B3GLCT: variants seen among roughly 807,000 people sequenced by gnomAD.
The protein encoded by B3GLCT is beta-1,3-glucosyltransferase.
A neutral mutation model predicts 63.4 loss-of-function variants in B3GLCT; 65 were observed. The observed-to-expected ratio is 1.03, with a 90% CI of 0.84 to 1.26. The LOEUF (loss-of-function observed/expected upper bound fraction) is 1.26, where lower values mean the gene tolerates loss of function less well. Ranked by LOEUF, B3GLCT falls within the 50% of genes most tolerant of loss-of-function variation. The pLI, the probability that B3GLCT is intolerant of heterozygous loss-of-function variation, is 0.00. For missense variants in B3GLCT, 577 were observed against 604.8 expected (o/e 0.95, Z 0.48); for synonymous variants, 233 against 219.2 (o/e 1.06, Z -0.55).
At chr13:31,316,453 A>C (rs1593317547) in intron 12 of B3GLCT, among the ~76,000 whole-genome samples, 1 of 104,228 alleles carries the variant, frequency 9.6e-6, no homozygotes, top group African/African-American at 3.4e-5. Context: ...TTTGAGACGG[A>C]GTTTCGCTCT....
At chr13:31,282,243 T>C (rs1032357646) in intron 10 of B3GLCT, among the ~76,000 whole-genome samples, 5 of 152,196 alleles carry the variant, frequency 3.3e-5, no homozygotes, top group African/African-American at 1.2e-4. Context: ...GCTAATAAAA[T>C]AGACCATTAT....
At chr13:31,300,753 G>A (rs542633312) in intron 12 of B3GLCT, among the ~76,000 whole-genome samples, 89 of 152,288 alleles carry the variant, frequency 5.8e-4, no homozygotes, top group African/African-American at 2.1e-3. Context: ...CAATAGTAAC[G>A]TTATCTATAG....
At chr13:31,213,847 T>C (rs1401377358) in intron 1 of B3GLCT, among the ~76,000 whole-genome samples, 7 of 152,144 alleles carry the variant, frequency 4.6e-5, no homozygotes, top group Non-Finnish European at 1.0e-4. Flanking sequence ...TCTACTGTTA[T>C]CTAAATTGTT....
intron 12 of B3GLCT, among the ~76,000 whole-genome samples, chr13:31,300,054 G>T (rs983031714): frequency 6.6e-6 from 1 of 152,124 alleles, no homozygotes; most frequent in Non-Finnish European, 1.5e-5. Context: ...GGTCAAAATA[G>T]CAGACTTCCA....
At position 31,241,741 on chromosome 13, in the gene B3GLCT, T is replaced by C. The variant is rs530371523; in HGVS notation, c.271-5282T>C. Among the ~76,000 whole-genome samples the C allele has an allele frequency of 5.3e-5, 8 of 152,350 alleles. No homozygotes were observed. The South Asian group carries it at 1.4e-3, about 28-fold the overall frequency. On this transcript the variant is annotated intron_variant, in intron 4 of 14. Coordinates refer to ENST00000343307, the MANE Select transcript of B3GLCT (RefSeq NM_194318.4). Reference sequence around the variant, plus strand: ...AGTATAAGTTTGGTAGACTCCCATCTTGGGCAGCTTGAGGACTGTCACTGA... The same window carrying C: ...AGTATAAGTTTGGTAGACTCCCATCCTGGGCAGCTTGAGGACTGTCACTGA...
intron 10 of B3GLCT, among the ~76,000 whole-genome samples, 160 bp from the exon 11 acceptor site, chr13:31,284,488 C>G (rs1036998704): frequency 7.9e-5 from 12 of 152,188 alleles, no homozygotes; most frequent in Non-Finnish European, 1.5e-4. Context: ...TAGTCAACAA[C>G]GTTGGCATTT....
chr13:31,282,209 AATTC>A (rs1414418291), intron 10 of B3GLCT, among the ~76,000 whole-genome samples: 9 of 152,210 alleles, frequency 5.9e-5, no homozygotes, highest in African/African-American at 9.6e-5. Context: ...TAATAGAATG[AATTC>A]ATTTTAGAAT....
At chr13:31,213,652 T>C (rs1250099346) in intron 1 of B3GLCT, among the ~76,000 whole-genome samples, 1 of 105,878 alleles carries the variant, frequency 9.4e-6, no homozygotes, top group African/African-American at 3.7e-5. Context: ...TCACTATAAC[T>C]GTATTCCTGC....
In B3GLCT at chr13:31,239,489, G is replaced by A. The variant is rs1474268958; in HGVS notation, c.271-7534G>A. On this transcript the variant is annotated intron_variant, in intron 4 of 14. Coordinates refer to ENST00000343307, the MANE Select transcript of B3GLCT (RefSeq NM_194318.4). ...TGTTCAGATGCCTATTATGTGCACT[G>A]CATCTGTGTCAATTATGATTTGACA... 2.6e-5 allele frequency among the ~76,000 whole-genome samples: 4 copies of A among 152,270 alleles called. No individual in the cohort carries two copies. In the East Asian group the frequency reaches 7.7e-4, roughly 29 times the overall value.
chr13:31,270,766 C>A (rs1872545755), intron 8 of B3GLCT, among the ~76,000 whole-genome samples: 1 of 152,232 alleles, frequency 6.6e-6, no homozygotes, highest in East Asian at 1.9e-4. Context: ...ATTTTGCATC[C>A]TTTTGGGCTT....
chr13:31,222,544 T>C (rs1043395480), intron 2 of B3GLCT, among the ~76,000 whole-genome samples: 1 of 152,250 alleles, frequency 6.6e-6, no homozygotes, highest in African/African-American at 2.4e-5. Context: ...CTTATCTTCA[T>C]GAGGAGCACC....
intron 1 of B3GLCT, among the ~76,000 whole-genome samples, chr13:31,213,046 G>A (rs113778614): frequency 1.9e-4 from 28 of 150,484 alleles, no homozygotes; most frequent in African/African-American, 4.5e-4. Flanking sequence ...GCACGCGTGC[G>A]CGTGTGTGTG....
In B3GLCT at chr13:31,200,033, G is replaced by A. The variant is rs1261681156; in HGVS notation, c.-52G>A. The A allele has an allele frequency of 1.7e-6, 2 of 1,204,798 alleles. No individual in the cohort carries two copies. The highest frequency in any genetic ancestry group is 2.1e-6 in the Non-Finnish European group (2 of 942,058). The allele number at this position is 1,204,798 out of a possible 1,614,324, so 74.6% of individuals were successfully genotyped here. On this transcript the variant is annotated 5_prime_UTR_variant, in exon 1 of 15. Coordinates refer to ENST00000343307, the MANE Select transcript of B3GLCT (RefSeq NM_194318.4). ...CGGCAGCGGCGCAGCTCCGCTCCCC[G>A]CGCGTCTCCCTTCCCCGCGCCCAGG...
intron 2 of B3GLCT, among the ~76,000 whole-genome samples, chr13:31,220,267 G>C (rs144986718): frequency 6.6e-6 from 1 of 152,300 alleles, no homozygotes; most frequent in East Asian, 1.9e-4. Context: ...AGCATTACAT[G>C]TATGGATTGC....
At chr13:31,219,757 A>G (rs1173572985) in intron 2 of B3GLCT, among the ~76,000 whole-genome samples, 1 of 152,248 alleles carries the variant, frequency 6.6e-6, no homozygotes, top group Non-Finnish European at 1.5e-5. Context: ...AGACAAGAAC[A>G]ATTCCTATAA....
chr13:31,266,760 T>G (rs982438712), intron 7 of B3GLCT, among the ~76,000 whole-genome samples: 15 of 152,170 alleles, frequency 9.9e-5, no homozygotes, highest in Non-Finnish European at 1.8e-4. Flanking sequence ...CTTCTCTGTC[T>G]CAGAAATTCT....
At chr13:31,290,323 CAT>C (rs757994377) in intron 12 of B3GLCT, among the ~76,000 whole-genome samples, 9 of 152,176 alleles carry the variant, frequency 5.9e-5, no homozygotes, top group Admixed American at 1.3e-4. Flanking sequence ...CTGCAGTAAA[CAT>C]GTGTGCATGT....
chr13:31,325,887 G>A (rs1277060754), intron 14 of B3GLCT, among the ~76,000 whole-genome samples: 1 of 152,126 alleles, frequency 6.6e-6, no homozygotes, highest in Admixed American at 6.5e-5. Context: ...AAATTGCCTG[G>A]GCCGTCACAT....
intron 1 of B3GLCT, among the ~76,000 whole-genome samples, chr13:31,211,331 G>C (rs1051677810): frequency 2.0e-5 from 3 of 152,172 alleles, no homozygotes; most frequent in Non-Finnish European, 2.9e-5. Context: ...GGGAGGTGGA[G>C]GTTGCGTTGA....
Sources: allele counts gnomAD v4.1 joint callset (sites outside exome capture counted in the v4.1 genomes callset), GRCh38; gene constraint gnomAD v4.1.1; transcripts MANE v1.5; gene names NCBI Gene and HGNC (gene_info 2026-07-23, HGNC 2026-07-21).